FRMD4A: variants seen among roughly 807,000 people sequenced by gnomAD.
FRMD4A encodes the protein FERM domain-containing protein 4A.
FRMD4A carries 29 observed loss-of-function variants against 129.1 expected under a neutral mutation model. The observed-to-expected ratio is 0.22, with a 90% CI of 0.17 to 0.31. FRMD4A has a LOEUF of 0.31. FRMD4A is among the 10% of genes least tolerant of loss of function. The pLI is 1.00. For missense variants in FRMD4A, 1,272 were observed against 1,375.8 expected (o/e 0.92, Z 1.19); for synonymous variants, 634 against 571.6 (o/e 1.11, Z -1.56).
At position 14,006,717 on chromosome 10, in the gene FRMD4A, T is replaced by TA. The variant is rs372274836; in HGVS notation, c.46-147806dup. Among the ~76,000 whole-genome samples, 508 of 152,306 alleles carry TA rather than the reference T, an allele frequency of 3.3e-3. 5 individuals carry two copies. Among genetic ancestry groups the TA allele is most frequent in the African/African-American group, 0.012 (486 of 41,574 alleles). ...ACACGTGATAAAAATTTTGTTACCA[T>TA]ACAGACCAAAGAGTTTTCACTAACA... is the stretch of plus-strand genomic sequence containing the variant. On this transcript the variant is annotated intron_variant, in intron 2 of 24. Coordinates refer to ENST00000357447, the MANE Select transcript of FRMD4A (RefSeq NM_018027.5).
intron 2 of FRMD4A, among the ~76,000 whole-genome samples, chr10:14,119,734 A>G (rs1838395460): frequency 6.6e-6 from 1 of 152,182 alleles, no homozygotes; most frequent in Non-Finnish European, 1.5e-5. Context: ...ATCCTGCCCC[A>G]CAGACCTTCC....
chr10:13,677,107 C>G (rs138351502), intron 15 of FRMD4A, among the ~76,000 whole-genome samples: 1 of 152,162 alleles, frequency 6.6e-6, no homozygotes, highest in Non-Finnish European at 1.5e-5. Flanking sequence ...TTCTATTTAA[C>G]GTCTCTGAGC....
intron 2 of FRMD4A, among the ~76,000 whole-genome samples, chr10:14,321,420 A>T (rs928901595): frequency 6.6e-6 from 1 of 152,024 alleles, no homozygotes; most frequent in Non-Finnish European, 1.5e-5. Flanking sequence ...ACTCCAAAGA[A>T]TAGAAAGTGT....
intron 2 of FRMD4A, among the ~76,000 whole-genome samples, chr10:13,965,180 G>A (rs537303464): frequency 6.6e-6 from 1 of 151,978 alleles, no homozygotes; most frequent in Non-Finnish European, 1.5e-5. Flanking sequence ...TCAAGTTACG[G>A]TGAGCTGCAC....
chr10:13,731,273 G>A (rs1331365795), intron 12 of FRMD4A, among the ~76,000 whole-genome samples: 1 of 152,190 alleles, frequency 6.6e-6, no homozygotes, highest in Non-Finnish European at 1.5e-5. Context: ...AAGGCAAAGA[G>A]GGAGGGGGAA....
Position 13,701,325 on chromosome 10 carries a change from G to A in FRMD4A, c.975+15C>T, listed in dbSNP as rs1367847191. ...AGACAATGGCCCGGGCTTGGTGAGA[G>A]GTCTGGTCACTCACCTTACTCTGCT... On this transcript the variant is annotated intron_variant, in intron 14 of 24. Transcript: ENST00000357447. 1 of 1,609,186 alleles carries A rather than the reference G, an allele frequency of 6.2e-7. No homozygotes were observed. The highest frequency in any genetic ancestry group is 8.5e-7 in the Non-Finnish European group (1 of 1,176,768).
chr10:13,812,188 TTTC>T (rs1489727475), intron 3 of FRMD4A, among the ~76,000 whole-genome samples: 1 of 152,136 alleles, frequency 6.6e-6, no homozygotes, highest in East Asian at 1.9e-4. Flanking sequence ...CGACAGTTGG[TTTC>T]TTATTTCACT....
chr10:13,787,779 T>TGGGCAGAGTTTTTGGCC (rs1554897544), intron 5 of FRMD4A, among the ~76,000 whole-genome samples: 1 of 151,228 alleles, frequency 6.6e-6, no homozygotes, highest in African/African-American at 2.4e-5. Context: ...AGTTTTTGGC[T>TGGGCAGAGTTTTTGGCC]GGGCATAGTT....
Position 13,884,134 on chromosome 10 carries a change from T to A in FRMD4A, c.46-25222A>T, listed in dbSNP as rs10906530. On this transcript the variant is annotated intron_variant, in intron 2 of 24. Transcript: ENST00000357447. Reference sequence around the variant, plus strand: ...CACACACACACACTCACACACACGCTCACACACACTCTCACACACTCTCAC... The same window carrying A: ...CACACACACACACTCACACACACGCACACACACACTCTCACACACTCTCAC... Among the ~76,000 whole-genome samples the A allele has an allele frequency of 4.0e-3, 144 of 35,694 alleles. 3 individuals are homozygous for A. The highest frequency in any genetic ancestry group is 5.5e-3 in the Non-Finnish European group (69 of 12,442). The allele number at this position is 35,694 out of a possible 152,430, so 23.4% of individuals were successfully genotyped here.
At chr10:14,190,200 C>T (rs976433116) in intron 2 of FRMD4A, among the ~76,000 whole-genome samples, 8 of 152,192 alleles carry the variant, frequency 5.3e-5, no homozygotes, top group South Asian at 2.1e-4. Flanking sequence ...CCCTAGCAGA[C>T]GAGTTTGTTG....
intron 2 of FRMD4A, among the ~76,000 whole-genome samples, chr10:14,094,008 G>C (rs1836802287): frequency 6.6e-6 from 1 of 152,228 alleles, no homozygotes; most frequent in Non-Finnish European, 1.5e-5. Context: ...TAATGGAGCA[G>C]GAGGATGGAG....
At chr10:14,008,398 G>T in intron 2 of FRMD4A, 30 of 1,025,380 alleles carry the variant, frequency 2.9e-5, no homozygotes, top group Non-Finnish European at 3.5e-5. Context: ...CGCCCACGAA[G>T]CAGCATCTCT....
chr10:14,203,924 A>C (rs1317187185), intron 2 of FRMD4A, among the ~76,000 whole-genome samples: 2 of 152,216 alleles, frequency 1.3e-5, no homozygotes, highest in African/African-American at 2.4e-5. Flanking sequence ...CTATTTGTCT[A>C]TCGTAGTTTG....
At chr10:13,942,751 G>A (rs1296544548) in intron 2 of FRMD4A, among the ~76,000 whole-genome samples, 1 of 152,072 alleles carries the variant, frequency 6.6e-6, no homozygotes, top group Non-Finnish European at 1.5e-5. Context: ...TGGCCAACAT[G>A]GTGAAACCCT....
At chr10:13,975,645 C>T (rs1018042635) in intron 2 of FRMD4A, among the ~76,000 whole-genome samples, 2 of 151,058 alleles carry the variant, frequency 1.3e-5, no homozygotes, top group Non-Finnish European at 2.9e-5. Flanking sequence ...GTGTGTGAAT[C>T]TCTATGTGTG....
At chr10:13,829,312 G>A (rs72771055) in intron 3 of FRMD4A, among the ~76,000 whole-genome samples, 1 of 152,122 alleles carries the variant, frequency 6.6e-6, no homozygotes, top group African/African-American at 2.4e-5. Flanking sequence ...ACTCCTTGAG[G>A]CCAGGAATTC....
At chr10:13,794,262 G>A (rs2093065084) in intron 5 of FRMD4A, among the ~76,000 whole-genome samples, 1 of 151,800 alleles carries the variant, frequency 6.6e-6, no homozygotes, top group African/African-American at 2.4e-5. Context: ...TATGGTGGTG[G>A]GTGCCTATAA....
intron 4 of FRMD4A, among the ~76,000 whole-genome samples, chr10:13,802,957 G>A (rs1362606876): frequency 6.6e-6 from 1 of 152,100 alleles, no homozygotes; most frequent in Admixed American, 6.6e-5. Context: ...AGACCAGCCT[G>A]GCTAACATGG....
chr10:13,818,262 C>G (rs1301317889), intron 3 of FRMD4A, among the ~76,000 whole-genome samples: 1 of 151,804 alleles, frequency 6.6e-6, no homozygotes, highest in African/African-American at 2.4e-5. Flanking sequence ...ATCCTGGGAT[C>G]AGTGATCCTC....
Sources: allele counts gnomAD v4.1 joint callset (sites outside exome capture counted in the v4.1 genomes callset), GRCh38; gene constraint gnomAD v4.1.1; transcripts MANE v1.5; gene names NCBI Gene and HGNC (gene_info 2026-07-23, HGNC 2026-07-21).